RANBP2: variants seen among roughly 807,000 people sequenced by gnomAD.
RANBP2 encodes RAN binding protein 2, also known as E3 SUMO-protein ligase RanBP2.
In RANBP2, 57 loss-of-function variants were observed where a neutral mutation model predicts 303.6. The observed-to-expected ratio is 0.19, with a 90% CI of 0.15 to 0.23. The LOEUF is 0.23. Ranked by LOEUF, RANBP2 falls within the 10% of genes least tolerant of loss-of-function variation. The probability of loss-of-function intolerance (pLI) is 1.00; values close to 1 mark genes in which losing one functional copy is unlikely to be tolerated. For missense variants in RANBP2, 3,138 were observed against 3,780.8 expected, an observed-to-expected ratio of 0.83 and a Z score of 4.46; for synonymous variants, 1,167 against 1,301.5, an observed-to-expected ratio of 0.90 and a Z score of 2.23.
the RANBP2 span, among the ~76,000 whole-genome samples, chr2:109,220,438 A>C: frequency 6.6e-6 from 1 of 152,264 alleles, no homozygotes; most frequent in African/African-American, 2.4e-5. Flanking sequence ...GATTTCATCA[A>C]AACGCAAAAG....
the RANBP2 span, among the ~76,000 whole-genome samples, chr2:109,661,122 A>T: frequency 6.6e-6 from 1 of 152,204 alleles, no homozygotes; most frequent in African/African-American, 2.4e-5. Context: ...ACTCTCTTCC[A>T]TGCAGTCACT....
chr2:108,749,842 C>A (rs1675715511), intron 9 of RANBP2, among the ~76,000 whole-genome samples: 1 of 152,144 alleles, frequency 6.6e-6, no homozygotes. Flanking sequence ...GATCCTCCTA[C>A]CTAAGCCCCC....
the RANBP2 span, among the ~76,000 whole-genome samples, chr2:109,376,996 C>T: frequency 6.6e-6 from 1 of 152,258 alleles, no homozygotes; most frequent in Non-Finnish European, 1.5e-5. Flanking sequence ...ATACCCCAGA[C>T]AGGTCTGCTT....
chr2:109,436,921 C>T, the RANBP2 span: 86 of 1,613,624 alleles, frequency 5.3e-5, no homozygotes, highest in South Asian at 2.3e-4. Flanking sequence ...AGGGCCGCCC[C>T]GGAATAATGT....
the RANBP2 span, among the ~76,000 whole-genome samples, chr2:109,629,050 A>G: frequency 6.6e-6 from 1 of 151,654 alleles, no homozygotes; most frequent in Non-Finnish European, 1.5e-5. Context: ...TAAAATTACA[A>G]AATTTGCTGG....
chr2:109,303,324 G>T, the RANBP2 span, among the ~76,000 whole-genome samples: 1 of 152,232 alleles, frequency 6.6e-6, no homozygotes, highest in African/African-American at 2.4e-5. Flanking sequence ...CTTGCCTCTG[G>T]CAGGGTTAAG....
chr2:109,259,951 C>T, the RANBP2 span, among the ~76,000 whole-genome samples: 1 of 152,152 alleles, frequency 6.6e-6, no homozygotes, highest in Non-Finnish European at 1.5e-5. Context: ...TATCCATGTT[C>T]TCAGACGCCC....
chr2:109,640,390 T>C, the RANBP2 span, among the ~76,000 whole-genome samples: 6 of 152,294 alleles, frequency 3.9e-5, no homozygotes, highest in South Asian at 1.2e-3. Context: ...AGGCAGAGGT[T>C]GCAGTGAGCC....
chr2:109,207,764 A>G, the RANBP2 span, among the ~76,000 whole-genome samples: 106,911 of 152,128 alleles, frequency 0.7, 37,764 homozygotes, highest in East Asian at 0.9. Context: ...TGCTAAAATC[A>G]ACTGTATTCA....
chr2:108,832,451 G>C, the RANBP2 span, among the ~76,000 whole-genome samples: 1 of 148,966 alleles, frequency 6.7e-6, no homozygotes, highest in Non-Finnish European at 1.5e-5. Context: ...AAGTTCAAGC[G>C]ATTCTCCTGC....
the RANBP2 span, among the ~76,000 whole-genome samples, chr2:109,069,038 G>A: frequency 6.6e-6 from 1 of 152,186 alleles, no homozygotes; most frequent in African/African-American, 2.4e-5. Flanking sequence ...ACAAGAAAAG[G>A]AGCAGGTGGC....
the RANBP2 span, among the ~76,000 whole-genome samples, chr2:109,267,714 C>G: frequency 6.6e-6 from 1 of 152,212 alleles, no homozygotes; most frequent in Non-Finnish European, 1.5e-5. Flanking sequence ...TTTTACTCTC[C>G]CTTCCCTGTT....
the RANBP2 span, among the ~76,000 whole-genome samples, chr2:109,673,525 T>C: frequency 2.6e-4 from 40 of 152,146 alleles, no homozygotes; most frequent in African/African-American, 9.4e-4. Context: ...CCTTTTTGAT[T>C]TGGGTGGGCA....
the RANBP2 span, among the ~76,000 whole-genome samples, chr2:109,631,319 T>C: frequency 3.9e-5 from 6 of 152,326 alleles, no homozygotes; most frequent in African/African-American, 1.2e-4. Context: ...GTAGACTATT[T>C]CCTATGAATT....
At chr2:109,231,182 C>T in the RANBP2 span, among the ~76,000 whole-genome samples, 9 of 152,192 alleles carry the variant, frequency 5.9e-5, no homozygotes, top group Admixed American at 1.3e-4. Flanking sequence ...GCGGCTTTGC[C>T]GAAGTCTCGG....
the RANBP2 span, among the ~76,000 whole-genome samples, chr2:108,996,182 G>A: frequency 6.6e-6 from 1 of 152,206 alleles, no homozygotes; most frequent in African/African-American, 2.4e-5. Context: ...AGAGTTCCCT[G>A]CTGCCTAACA....
At chr2:109,170,292 CTCTTCTCTTCTCTTCTCTTCTCTCCT>C in the RANBP2 span, among the ~76,000 whole-genome samples, 4 of 130,316 alleles carry the variant, frequency 3.1e-5, no homozygotes, top group African/African-American at 1.2e-4. Context: ...CTCTTCTCTT[CTCTTCTCTTCTCTTCTCTTCTCTCCT>C]CTCTCTCTCT....
chr2:109,728,306 T>C, the RANBP2 span, among the ~76,000 whole-genome samples: 1 of 152,180 alleles, frequency 6.6e-6, no homozygotes. Context: ...TCACTAAGCC[T>C]TGCCCAAACT....
chr2:108,994,689 G>C, the RANBP2 span, among the ~76,000 whole-genome samples: 1 of 151,730 alleles, frequency 6.6e-6, no homozygotes, highest in African/African-American at 2.4e-5. Flanking sequence ...CCGGGGAAAG[G>C]GGATTATGGG....
Sources: gnomAD v4.1 joint callset for allele counts (sites outside exome capture counted in the v4.1 genomes callset) on GRCh38, gnomAD v4.1.1 for gene constraint, MANE v1.5 for transcripts, NCBI Gene and HGNC (gene_info 2026-07-23, HGNC 2026-07-21) for gene names.